PXN: variants seen among roughly 807,000 people sequenced by gnomAD.
PXN encodes paxillin, also known as testicular tissue protein Li 134.
A neutral mutation model predicts 103.6 loss-of-function variants in PXN; 61 were observed. That is an observed-to-expected ratio of 0.59 (90% CI 0.48 to 0.73). The LOEUF is 0.73. Ranked by LOEUF, PXN falls within the 30% of genes least tolerant of loss-of-function variation. The pLI, the probability that PXN is intolerant of heterozygous loss-of-function variation, is 0.00. For synonymous variants in PXN, 562 were observed against 607.8 expected (o/e 0.92, Z 1.11); for missense variants, 1,274 against 1,460.3 (o/e 0.87, Z 2.08).
At chr12:120,239,447 T>C (rs1176558845) in intron 1 of PXN, among the ~76,000 whole-genome samples, 3 of 152,210 alleles carry the variant, frequency 2.0e-5, no homozygotes, top group Non-Finnish European at 2.9e-5. Flanking sequence ...CCAGGCATGG[T>C]GGCGCATGCC....
In PXN at chr12:120,219,449, G is replaced by A; in HGVS notation, c.1474C>T (p.Pro492Ser). Residue 492 changes from proline (P) to serine (S), a missense_variant, in exon 7 of 15, where the codon CCA becomes TCA. Coordinates refer to ENST00000637617, the MANE Select transcript of PXN (RefSeq NM_001385981.1). The surrounding 1 kb of genome is among the most constrained non-coding windows in gnomAD (Gnocchi z 6.5). ...TEEHGLQQER[P>S]RPEPGRLGSS... is the part of the protein sequence containing the mutation. ...CCCAGCCTCCCTGGCTCTGGCCTTGGCCTCTCCTGCTGTAGGCCATGTTCC... is the reference window on the plus strand; with the variant it reads ...CCCAGCCTCCCTGGCTCTGGCCTTGACCTCTCCTGCTGTAGGCCATGTTCC... 1 of 1,598,282 alleles carries A rather than the reference G, an allele frequency of 6.3e-7. No individual in the cohort carries two copies. Among genetic ancestry groups the A allele is most frequent in the Non-Finnish European group, 8.5e-7 (1 of 1,179,684 alleles).
Position 120,214,989 on chromosome 12 carries a change from C to A in PXN, c.2584G>T (p.Ala862Ser). 1 of 1,613,312 alleles carries A rather than the reference C, an allele frequency of 6.2e-7. No individual in the cohort carries two copies. Among genetic ancestry groups the A allele is most frequent in the Non-Finnish European group, 8.5e-7 (1 of 1,179,574 alleles). The change falls in exon 12 of 15, where the codon GCC becomes TCC. Residue 862 changes from alanine to serine, a missense_variant. Transcript: ENST00000637617. This position sits in a 1 kb window ranked among gnomAD's most constrained non-coding sequence, Gnocchi z 5.0. Reference sequence around the variant, plus strand: ...TCGGGGTGCCACGTCTTCCCCATGGCGGTCACAACCTGAGGAGGAGATGGA... The same window carrying A: ...TCGGGGTGCCACGTCTTCCCCATGGAGGTCACAACCTGAGGAGGAGATGGA... ...KKPIAGQVVT[A>S]MGKTWHPEHF...
At chr12:120,252,871 G>A (rs1180903777) in intron 1 of PXN, among the ~76,000 whole-genome samples, 4 of 152,064 alleles carry the variant, frequency 2.6e-5, no homozygotes, top group South Asian at 2.1e-4. Flanking sequence ...GGTGGCGGGC[G>A]CCTGTAATCC....
At chr12:120,258,937 T>C (rs1265321100) in intron 1 of PXN, among the ~76,000 whole-genome samples, 2 of 151,596 alleles carry the variant, frequency 1.3e-5, no homozygotes, top group South Asian at 2.1e-4. Context: ...GGCGTGGTGG[T>C]GCATGCCTGT....
At chr12:120,261,470 T>A (rs1001978754) in intron 1 of PXN, among the ~76,000 whole-genome samples, 1 of 152,050 alleles carries the variant, frequency 6.6e-6, no homozygotes, top group Non-Finnish European at 1.5e-5. Flanking sequence ...GGATTACAGG[T>A]GTGAGCCACC....
Position 120,214,341 on chromosome 12 carries a change from G to A in PXN, c.2749-124C>T. 1 of 803,902 alleles carries A rather than the reference G, an allele frequency of 1.2e-6. No individual in the cohort carries two copies. The highest frequency in any genetic ancestry group is 2.0e-6 in the Non-Finnish European group (1 of 491,390). The allele number at this position is 803,902 out of a possible 1,614,324, so 49.8% of individuals were successfully genotyped here. A position where few individuals can be genotyped will look rare whatever the true frequency, so the allele number is the denominator to read the frequency against. On this transcript the variant is annotated intron_variant, in intron 12 of 14. Coordinates refer to ENST00000637617, the MANE Select transcript of PXN (RefSeq NM_001385981.1). This position sits in a 1 kb window ranked among gnomAD's most constrained non-coding sequence, Gnocchi z 5.0. ...AGACAGAGCAAAACACTCCCAAGAT[G>A]GGGGTCTCTCCTAATTGTGCTGTGA...
chr12:120,265,551 G>A lies in PXN; in HGVS notation c.13+66C>T. 1 of 1,462,840 alleles carries A rather than the reference G, an allele frequency of 6.8e-7. No homozygotes were observed. 90.6% of individuals were successfully genotyped at this position (1,462,840 alleles called of 1,614,324 possible). Reference sequence around the variant, plus strand: ...GATCCCGCGGCCCCTGCCGCTCGCTGGCGCCCTCCTGGCCCCAAGCTGCGC... The same window carrying A: ...GATCCCGCGGCCCCTGCCGCTCGCTAGCGCCCTCCTGGCCCCAAGCTGCGC... On this transcript the variant is annotated intron_variant, in intron 1 of 14. Transcript: ENST00000637617. The surrounding 1 kb of genome is among the most constrained non-coding windows in gnomAD (Gnocchi z 5.7).
chr12:120,254,012 C>G (rs1267660918), intron 1 of PXN, among the ~76,000 whole-genome samples: 4 of 152,160 alleles, frequency 2.6e-5, no homozygotes, highest in Admixed American at 6.5e-5. Context: ...TCCCAAGTGG[C>G]TGAGACTACA....
In PXN at chr12:120,265,573, G is replaced by A; in HGVS notation, c.13+44C>T. 1 of 1,479,202 alleles carries A rather than the reference G, an allele frequency of 6.8e-7. No homozygotes were observed. Among genetic ancestry groups the A allele is most frequent in the Non-Finnish European group, 8.9e-7 (1 of 1,120,454 alleles). The allele number at this position is 1,479,202 out of a possible 1,614,324, so 91.6% of individuals were successfully genotyped here. On this transcript the variant is annotated intron_variant, in intron 1 of 14. Coordinates refer to ENST00000637617, the MANE Select transcript of PXN (RefSeq NM_001385981.1). The surrounding 1 kb of genome is among the most constrained non-coding windows in gnomAD (Gnocchi z 5.7). ...GCTGGCGCCCTCCTGGCCCCAAGCTGCGCGCCTCTCGCCTCCTCCTCCCTC... is the reference window on the plus strand; with the variant it reads ...GCTGGCGCCCTCCTGGCCCCAAGCTACGCGCCTCTCGCCTCCTCCTCCCTC...
Position 120,215,237 on chromosome 12 carries a change from G to A in PXN, c.2440C>T (p.Pro814Ser), listed in dbSNP as rs1000080809. The A allele has an allele frequency of 1.9e-5, 31 of 1,590,532 alleles. No individual in the cohort carries two copies. Among genetic ancestry groups the A allele is most frequent in the African/African-American group, 2.7e-5 (2 of 74,366 alleles). Residue 814 changes from proline to serine, a missense_variant, in exon 11 of 15, where the codon CCT becomes TCT. Physicochemically the swap from Pro to Ser is moderately conservative, Grantham distance 74. Around this residue, in one of 2 missense-constraint regions of PXN, gnomAD observed 1,178 missense variants for 1,309.0 expected, o/e 0.90. Coordinates refer to ENST00000637617, the MANE Select transcript of PXN (RefSeq NM_001385981.1). The surrounding 1 kb of genome is among the most constrained non-coding windows in gnomAD (Gnocchi z 4.9). ...AQGKTGSSSP[P>S]GGPPKPGSQL... ...CTCCCGGGCTTCGGGGGCCCCCCAG[G>A]GGGTGAGCTGCTCCCTGTCTTCCCC...
intron 1 of PXN, among the ~76,000 whole-genome samples, chr12:120,235,789 T>A (rs773051406): frequency 6.6e-6 from 1 of 152,172 alleles, no homozygotes; most frequent in Admixed American, 6.5e-5. Flanking sequence ...CTGGTCTAAC[T>A]TGTTGATGTG....
At chr12:120,245,787 C>CAAAAAA (rs1267541953) in intron 1 of PXN, among the ~76,000 whole-genome samples, 3 of 45,146 alleles carry the variant, frequency 6.6e-5, no homozygotes, top group South Asian at 7.2e-4. Context: ...GACTCCATCT[C>CAAAAAA]AAAAAAAAAA....
Position 120,217,215 on chromosome 12 carries a change from G to C in PXN, c.1717-99C>G. ...ATGCCTCAGGAGAGGGAGCACAAAA[G>C]AAAACCACCAAAGAACCAAGCGGAG... On this transcript the variant is annotated intron_variant, in intron 7 of 14. Coordinates refer to ENST00000637617, the MANE Select transcript of PXN (RefSeq NM_001385981.1). This position sits in a 1 kb window ranked among gnomAD's most constrained non-coding sequence, Gnocchi z 4.1. 34 of 1,019,376 alleles carry C rather than the reference G, an allele frequency of 3.3e-5. No homozygotes were observed. The highest frequency in any genetic ancestry group is 2.8e-5 in the East Asian group (1 of 35,404). 63.1% of individuals were successfully genotyped at this position (1,019,376 alleles called of 1,614,324 possible).
chr12:120,234,239 A>G (rs946228217), intron 1 of PXN, among the ~76,000 whole-genome samples: 2 of 151,476 alleles, frequency 1.3e-5, no homozygotes, highest in South Asian at 2.1e-4. Flanking sequence ...CCTCATCTCT[A>G]CTCTACTAAA....
At chr12:120,261,198 G>C (rs1340298259) in intron 1 of PXN, among the ~76,000 whole-genome samples, 1 of 152,108 alleles carries the variant, frequency 6.6e-6, no homozygotes, top group African/African-American at 2.4e-5. Context: ...ATGAGAAAAA[G>C]TTCTGTAAAC....
chr12:120,222,445 C>T lies in PXN; in HGVS notation c.695+104G>A. 7.8e-7 allele frequency: 1 copy of T among 1,284,428 alleles called. No individual in the cohort carries two copies. Among genetic ancestry groups the T allele is most frequent in the Non-Finnish European group, 1.1e-6 (1 of 947,232 alleles). 79.6% of individuals were successfully genotyped at this position (1,284,428 alleles called of 1,614,324 possible). ...CCCCCAGTGCCTGGCAAATGGCAGA[C>T]ACGGGAGGGAGTGGGTGATACCAGG... On this transcript the variant is annotated intron_variant, in intron 5 of 14. Transcript: ENST00000637617. This position sits in a 1 kb window ranked among gnomAD's most constrained non-coding sequence, Gnocchi z 4.7.
In PXN at chr12:120,210,852, A is replaced by T. The variant is rs1315935018; in HGVS notation, c.*1462T>A. 6.5e-6 allele frequency: 1 copy of T among 152,682 alleles called. No homozygotes were observed. Among genetic ancestry groups the T allele is most frequent in the Admixed American group, 6.5e-5 (1 of 15,284 alleles). 9.5% of individuals were successfully genotyped at this position (152,682 alleles called of 1,614,324 possible). On this transcript the variant is annotated 3_prime_UTR_variant, in exon 15 of 15. Coordinates refer to ENST00000637617, the MANE Select transcript of PXN (RefSeq NM_001385981.1). ...GGCTCCTCTTTCATCCTTGGTAAAG[A>T]GCTCTGGGGGGTTTCCCCAGAGGAG...
chr12:120,231,442 C>A (rs1393961619), intron 1 of PXN, among the ~76,000 whole-genome samples: 1 of 152,204 alleles, frequency 6.6e-6, no homozygotes, highest in East Asian at 1.9e-4. Context: ...TCCGCTGACT[C>A]ATGCCTCACT....
chr12:120,250,222 AGAG>A (rs1891926630), intron 1 of PXN: 1 of 978,698 alleles, frequency 1.0e-6, no homozygotes. Context: ...CACCTAAGGA[AGAG>A]GAATGTTCCT....
Sources: gnomAD v4.1 joint callset for allele counts (sites outside exome capture counted in the v4.1 genomes callset) on GRCh38, gnomAD v4.1.1 for gene constraint, gnomAD v4.1.1 regional missense constraint, Gnocchi (gnomAD v3.1) non-coding constraint, MANE v1.5 for transcripts, NCBI Gene and HGNC (gene_info 2026-07-23, HGNC 2026-07-21) for gene names.